CPXM2: variants seen among roughly 807,000 people sequenced by gnomAD.
The protein encoded by CPXM2 is carboxypeptidase X, M14 family member 2, also known as inactive carboxypeptidase-like protein X2.
In CPXM2, 66 loss-of-function variants were observed where a neutral mutation model predicts 86.1. The observed-to-expected ratio is 0.77, with a 90% confidence interval of 0.63 to 0.94. The LOEUF (loss-of-function observed/expected upper bound fraction) is 0.94. Among genes scored for constraint, CPXM2 ranks in the 40% least tolerant of loss-of-function variants. The pLI is 0.00. For synonymous variants in CPXM2, 388 were observed against 400.2 expected, an observed-to-expected ratio of 0.97 and a Z score of 0.36; for missense variants, 948 against 1,026.3, an observed-to-expected ratio of 0.92 and a Z score of 1.04.
At chr10:123,874,648 T>A (rs1456992143) in intron 2 of CPXM2, among the ~76,000 whole-genome samples, 1 of 152,146 alleles carries the variant, frequency 6.6e-6, no homozygotes, top group Non-Finnish European at 1.5e-5. Flanking sequence ...CAAGAGTCAG[T>A]AATACAGAAT....
At chr10:123,942,135 AT>A (rs1457786805), upstream of CPXM2, among the ~76,000 whole-genome samples, 1 of 152,174 alleles carries the variant, frequency 6.6e-6, no homozygotes, top group Non-Finnish European at 1.5e-5. Context: ...GTGCAGATGG[AT>A]TTTGTCTGGT....
chr10:123,896,441 G>C (rs1258123317), upstream of CPXM2, among the ~76,000 whole-genome samples: 1 of 152,208 alleles, frequency 6.6e-6, no homozygotes, highest in East Asian at 1.9e-4. Flanking sequence ...AGATGTGATA[G>C]TTTAAATGGC....
At chr10:123,904,345 TG>T (rs1330363081) in intron 2 of CPXM2, among the ~76,000 whole-genome samples, 1 of 152,024 alleles carries the variant, frequency 6.6e-6, no homozygotes, top group Non-Finnish European at 1.5e-5. Flanking sequence ...GGTAAGAGGG[TG>T]GGCCCTGCAG....
chr10:123,895,128 T>C (rs573443292), upstream of CPXM2, among the ~76,000 whole-genome samples: 686 of 115,648 alleles, frequency 5.9e-3, 11 homozygotes, highest in Middle Eastern at 0.048. Flanking sequence ...TTTCTTTTTT[T>C]TTTTTTTTTT....
At position 123,762,014 on chromosome 10, in the gene CPXM2, GT is replaced by G. The variant is rs1846355358; in HGVS notation, c.1634del (p.Asp545AlafsTer18). The G allele has an allele frequency of 6.2e-7, 1 of 1,613,666 alleles. No individual in the cohort carries two copies. Among genetic ancestry groups the G allele is most frequent in the African/African-American group, 1.3e-5 (1 of 74,874 alleles). On this transcript the variant is annotated frameshift_variant, in exon 11 of 14. Coordinates refer to ENST00000241305, the MANE Select transcript of CPXM2 (RefSeq NM_198148.3). LOFTEE classifies it high-confidence loss of function. ...KTQEHTPTPDDHVFRWLAYSY... is the reference protein window; with the variant it reads ...KTQEHTPTPDXHVFRWLAYSY... ...AGTAGGCCAGCCAGCGGAACACGTGGTCGTCGGGGGTGGGGGTGTGTTCCTG... is the reference window on the plus strand; with the variant it reads ...AGTAGGCCAGCCAGCGGAACACGTGGCGTCGGGGGTGGGGGTGTGTTCCTG...
intron 7 of CPXM2, among the ~76,000 whole-genome samples, chr10:123,774,355 T>A (rs950101479): frequency 4.6e-5 from 7 of 152,370 alleles, no homozygotes; most frequent in Admixed American, 4.6e-4. Flanking sequence ...TCAACCGAAT[T>A]ATCCATAAAA....
upstream of CPXM2, among the ~76,000 whole-genome samples, chr10:123,894,422 T>C (rs891509143): frequency 6.6e-6 from 1 of 152,144 alleles, no homozygotes; most frequent in Non-Finnish European, 1.5e-5. Context: ...TTAAAGCAAG[T>C]AGGACAAATA....
At chr10:123,919,804 G>A (rs1945566537) in intron 2 of CPXM2, among the ~76,000 whole-genome samples, 1 of 152,198 alleles carries the variant, frequency 6.6e-6, no homozygotes, top group Non-Finnish European at 1.5e-5. Flanking sequence ...GATGTCAGTG[G>A]TATCTCCTTC....
intron 4 of CPXM2, among the ~76,000 whole-genome samples, chr10:123,806,096 C>T (rs936184390): frequency 5.9e-5 from 9 of 152,116 alleles, no homozygotes; most frequent in Non-Finnish European, 1.3e-4. Context: ...TGCATTTCCA[C>T]GTTTCCATCT....
At chr10:123,880,145 T>TGGGGGCCCCCCCCCCC in intron 2 of CPXM2, 66 bp downstream of exon 2, 2 of 407,558 alleles carry the variant, frequency 4.9e-6, no homozygotes, top group East Asian at 4.9e-5. Context: ...CAGGGGCCTG[T>TGGGGGCCCCCCCCCCC]ACCCACCCAC....
At position 123,891,757 on chromosome 10, in the gene CPXM2, C is replaced by A; in HGVS notation, c.-98G>T. On this transcript the variant is annotated 5_prime_UTR_variant, in exon 1 of 14. Transcript: ENST00000241305. The surrounding 1 kb of genome is among the most constrained non-coding windows in gnomAD (Gnocchi z 5.6). ...TGGCGCGGGGCAAGGGCGCAGGGCA[C>A]AGCAGAGCGGCGCGCTTGGGCGCGG... 6 of 895,354 alleles carry A rather than the reference C, an allele frequency of 6.7e-6. No individual in the cohort carries two copies. The highest frequency in any genetic ancestry group is 8.7e-6 in the Non-Finnish European group (6 of 689,318). 55.5% of individuals were successfully genotyped at this position (895,354 alleles called of 1,614,324 possible). A position where few individuals can be genotyped will look rare whatever the true frequency, so the allele number is the denominator to read the frequency against.
chr10:123,885,060 A>C lies in CPXM2; in HGVS notation c.305-4751T>G, dbSNP rs1257962921. Among the ~76,000 whole-genome samples the C allele has an allele frequency of 6.6e-6, 1 of 152,252 alleles. No individual in the cohort carries two copies. Among genetic ancestry groups the C allele is most frequent in the African/African-American group, 2.4e-5 (1 of 41,466 alleles). On this transcript the variant is annotated intron_variant, in intron 1 of 13. Transcript: ENST00000241305. The surrounding 1 kb of genome is among the most constrained non-coding windows in gnomAD (Gnocchi z 4.0). ...CAGTCTCATCTTAGATTCCACCTGG[A>C]AACAGCCTGAGACAAGAAGGCTTTG...
rs749367308 is a variant in CPXM2 at position 123,754,588 on chromosome 10, A to AT, written c.2017+74dup. 8.6e-6 allele frequency: 7 copies of AT among 817,296 alleles called. No individual in the cohort carries two copies. Among genetic ancestry groups the AT allele is most frequent in the Non-Finnish European group, 1.5e-5 (7 of 464,394 alleles). The allele number at this position is 817,296 out of a possible 1,614,324, so 50.6% of individuals were successfully genotyped here. ...AGACATTTCTGGCAGTCATTTCATG[A>AT]TTGTAACCCAAGTAAAATGCCTAAA... On this transcript the variant is annotated intron_variant, in intron 13 of 13. Coordinates refer to ENST00000241305, the MANE Select transcript of CPXM2 (RefSeq NM_198148.3). This position sits in a 1 kb window ranked among gnomAD's most constrained non-coding sequence, Gnocchi z 4.0.
chr10:123,831,554 C>A (rs1294230548), intron 4 of CPXM2, among the ~76,000 whole-genome samples: 1 of 152,168 alleles, frequency 6.6e-6, no homozygotes, highest in Non-Finnish European at 1.5e-5. Flanking sequence ...GACATTTATT[C>A]TCTTATGGTT....
rs199923458 is a variant in CPXM2 at position 123,768,698 on chromosome 10, G to A, written c.1127C>T (p.Ala376Val). ...CAGCACCTCATTGCCGTGGGCCCCC[G>A]CGATGTAGTGGAACTCGGGCTCACC... ...EVGEPEFHYI[A>V]GAHGNEVLGR... Residue 376 changes from alanine (A) to valine (V), a missense_variant, in exon 9 of 14, where the codon GCG becomes GTG. Ala to Val is a moderately conservative substitution (Grantham distance 64). Transcript: ENST00000241305. The A allele has an allele frequency of 1.0e-4, 162 of 1,610,322 alleles. No individual in the cohort carries two copies. Among genetic ancestry groups the A allele is most frequent in the Admixed American group, 8.3e-5 (5 of 60,008 alleles).
intron 2 of CPXM2, among the ~76,000 whole-genome samples, chr10:123,868,884 TAG>T (rs1332058271): frequency 6.6e-6 from 1 of 152,150 alleles, no homozygotes; most frequent in Non-Finnish European, 1.5e-5. Flanking sequence ...ATGGCAAAGT[TAG>T]AATGAGAGGT....
intron 2 of CPXM2, among the ~76,000 whole-genome samples, chr10:123,936,430 C>T (rs957713915): frequency 9.2e-5 from 14 of 152,200 alleles, no homozygotes; most frequent in African/African-American, 2.2e-4. Context: ...CAGTTTCCTA[C>T]GGCATGGGTG....
In CPXM2 at chr10:123,880,272, G is replaced by T; in HGVS notation, c.342C>A (p.Ser114Arg). The change falls in exon 2 of 14, where the codon AGC becomes AGA. Residue 114 changes from serine (S) to arginine (R), a missense_variant. Coordinates refer to ENST00000241305, the MANE Select transcript of CPXM2 (RefSeq NM_198148.3). ...HSNKKVMRTK[S>R]SEKAANDDHS... is the part of the protein sequence containing the mutation. Reference sequence around the variant, plus strand: ...GATCATCGTTGGCAGCCTTCTCAGAGCTCTTGGTTCTCATAACTTTTTTGT... The same window carrying T: ...GATCATCGTTGGCAGCCTTCTCAGATCTCTTGGTTCTCATAACTTTTTTGT... 2 of 1,599,160 alleles carry T rather than the reference G, an allele frequency of 1.3e-6. No individual in the cohort carries two copies. The highest frequency in any genetic ancestry group is 1.7e-6 in the Non-Finnish European group (2 of 1,166,512).
At chr10:123,918,718 T>C (rs1945555314) in intron 2 of CPXM2, among the ~76,000 whole-genome samples, 1 of 152,152 alleles carries the variant, frequency 6.6e-6, no homozygotes, top group Non-Finnish European at 1.5e-5. Context: ...TCCCCAGTCA[T>C]GATGCTGTGA....
Sources: gnomAD v4.1 joint callset for allele counts (sites outside exome capture counted in the v4.1 genomes callset) on GRCh38, gnomAD v4.1.1 for gene constraint, Gnocchi (gnomAD v3.1) non-coding constraint, MANE v1.5 for transcripts, NCBI Gene and HGNC (gene_info 2026-07-23, HGNC 2026-07-21) for gene names.